MYBBP1A: variants seen among roughly 807,000 people sequenced by gnomAD.
The protein encoded by MYBBP1A is myb-binding protein 1A.
In MYBBP1A, 147 loss-of-function variants were observed where a neutral mutation model predicts 136.3. The ratio of observed to expected loss-of-function variants is 1.08; its 90% CI spans 0.94 to 1.24. MYBBP1A has a LOEUF of 1.24. MYBBP1A is among the 50% of genes most tolerant of loss of function. The pLI, the probability that MYBBP1A is intolerant of heterozygous loss-of-function variation, is 0.00. For synonymous variants in MYBBP1A, 947 were observed against 735.8 expected (o/e 1.29, Z -4.65); for missense variants, 2,060 against 1,727.4 (o/e 1.19, Z -3.41).
intron 19 of MYBBP1A, chr17:4,543,399 A>G: frequency 1.8e-6 from 1 of 556,600 alleles, no homozygotes. Flanking sequence ...CAGCTCCCTG[A>G]GTGGAGGCTG....
intron 15 of MYBBP1A, 22 bp from the exon 16 acceptor site, chr17:4,545,367 T>G (rs779812783): frequency 6.2e-7 from 1 of 1,612,254 alleles, no homozygotes; most frequent in Non-Finnish European, 8.5e-7. Flanking sequence ...TGCCAGCCAC[T>G]GACCCATTTG....
chr17:4,546,912 C>CAT (rs1491216403), intron 13 of MYBBP1A, among the ~76,000 whole-genome samples: 1 of 136,764 alleles, frequency 7.3e-6, no homozygotes, highest in Non-Finnish European at 1.6e-5. Flanking sequence ...TGGGCTGCAC[C>CAT]TTTTTTTTTT....
In MYBBP1A at chr17:4,548,194, T is replaced by C. The variant is rs1001213326; in HGVS notation, c.1673A>G (p.Asn558Ser). 2 of 1,606,738 alleles carry C rather than the reference T, an allele frequency of 1.2e-6. No individual in the cohort carries two copies. The highest frequency in any genetic ancestry group is 1.3e-5 in the African/African-American group (1 of 74,778). ...FADLLLNHSH[N>S]VTTVTPFTAQ... ...AGTGAAGGGTGTCACGGTGGTCACGTTGTGGCTGTGATTCAACAGGAGGTC... is the reference window on the plus strand; with the variant it reads ...AGTGAAGGGTGTCACGGTGGTCACGCTGTGGCTGTGATTCAACAGGAGGTC... The change falls in exon 12 of 26, where the codon AAC becomes AGC. Residue 558 changes from asparagine to serine, a missense_variant. Physicochemically the swap from Asn to Ser is conservative, Grantham distance 46 (BLOSUM62 1). Coordinates refer to ENST00000254718, the MANE Select transcript of MYBBP1A (RefSeq NM_014520.4). The surrounding 1 kb of genome is among the most constrained non-coding windows in gnomAD (Gnocchi z 4.2).
intron 19 of MYBBP1A, 136 bp from the exon 20 acceptor site, chr17:4,543,301 G>GGAGGGCC (rs1393040410): frequency 8.0e-7 from 1 of 1,251,418 alleles, no homozygotes; most frequent in Non-Finnish European, 1.1e-6. Flanking sequence ...AGGCCACAGA[G>GGAGGGCC]GAGGGCCCAG....
Position 4,545,637 on chromosome 17 carries a change from G to A in MYBBP1A, c.2046C>T (p.Thr682=), listed in dbSNP as rs770304648. The part of the protein sequence containing the change: ...SVFGHICSHL[T]PRALQLILDV... ...CCAGAATTAGCTGCAGGGCACGCGG[G>A]GTCAGGTGGGAGCAGATGTGGCCAA... The change falls in exon 15 of 26, where the codon ACC becomes ACT. Residue 682 remains threonine (T), a synonymous_variant. Transcript: ENST00000254718. 6.2e-7 allele frequency: 1 copy of A among 1,602,898 alleles called. No individual in the cohort carries two copies. Among genetic ancestry groups the A allele is most frequent in the South Asian group, 1.1e-5 (1 of 90,476 alleles).
chr17:4,552,396 G>A lies in MYBBP1A; in HGVS notation c.737+55C>T. ...AGGCCAAACGACAAATCTGGGCCTG[G>A]CCAGATGCAGTCCCTTGGCCCCAGG... On this transcript the variant is annotated intron_variant, in intron 6 of 25. Transcript: ENST00000254718. This position sits in a 1 kb window ranked among gnomAD's most constrained non-coding sequence, Gnocchi z 4.7. 5 of 1,604,392 alleles carry A rather than the reference G, an allele frequency of 3.1e-6. No individual in the cohort carries two copies. The highest frequency in any genetic ancestry group is 4.3e-6 in the Non-Finnish European group (5 of 1,175,880).
rs747803436 is a variant in MYBBP1A, at chr17:4,539,814, T to TGTGCCATCCTCCGCTGGC, written c.3570_3587dup (p.Glu1193_Ala1198dup). On this transcript the variant is annotated inframe_insertion, in exon 26 of 26. Transcript: ENST00000254718. ...GCTGGCTCCCGCCGGTGGCTGCAGGTGTGCCATCCTCCGCTGGCGTGCCAT... is the reference window on the plus strand; with the variant it reads ...GCTGGCTCCCGCCGGTGGCTGCAGGTGTGCCATCCTCCGCTGGCGTGCCATCCTCCGCTGGCGTGCCAT... The TGTGCCATCCTCCGCTGGC allele has an allele frequency of 3.2e-5, 52 of 1,611,440 alleles. No individual in the cohort carries two copies. In the East Asian group the frequency reaches 3.3e-4, roughly 10 times the overall value.
Position 4,544,497 on chromosome 17 carries a change from G to A in MYBBP1A, c.2631C>T (p.Arg877=), listed in dbSNP as rs770039256. 1.3e-5 allele frequency: 20 copies of A among 1,549,826 alleles called. No individual in the cohort carries two copies. In the South Asian group the frequency reaches 1.4e-4, roughly 11 times the overall value. The change falls in exon 19 of 26, where the codon CGC becomes CGT. Residue 877 remains arginine, a synonymous_variant. Coordinates refer to ENST00000254718, the MANE Select transcript of MYBBP1A (RefSeq NM_014520.4). The stretch of plus-strand genomic sequence containing the variant: ...TGCACCCCCGTGCTCACGTGAAGAT[G>A]CGCGCCGTCTTGTGCAGAAGGTCCT... ...QEQDLLHKTA[R]IFTHHLCRAR... is the part of the protein sequence containing the mutation.
chr17:4,549,960 G>A (rs1907355862), intron 9 of MYBBP1A, 98 bp downstream of exon 9: 3 of 1,359,158 alleles, frequency 2.2e-6, no homozygotes, highest in Non-Finnish European at 3.0e-6. Context: ...TCATGGTTTA[G>A]AGCCAGGACG....
Position 4,548,228 on chromosome 17 carries a change from G to T in MYBBP1A, c.1639C>A (p.Gln547Lys). 6.2e-7 allele frequency: 1 copy of T among 1,610,948 alleles called. No individual in the cohort carries two copies. ...GGQPWTYHLV[Q>K]FADLLLNHSH... ...TGATTCAACAGGAGGTCTGCGAACT[G>T]CACCAGGTGGTAGGTCCAGGGCTGC... Residue 547 changes from glutamine to lysine, a missense_variant, in exon 12 of 26, where the codon CAG (glutamine) becomes AAG (lysine). Transcript: ENST00000254718. This position sits in a 1 kb window ranked among gnomAD's most constrained non-coding sequence, Gnocchi z 4.2.
At chr17:4,546,343 T>A (rs1008004117) in intron 13 of MYBBP1A, among the ~76,000 whole-genome samples, 38 of 152,190 alleles carry the variant, frequency 2.5e-4, no homozygotes, top group African/African-American at 9.2e-4. Flanking sequence ...GGTCTTGAAC[T>A]CCTGACCTCG....
intron 25 of MYBBP1A, 103 bp from the exon 26 acceptor site, chr17:4,540,070 C>G (rs1284771336): frequency 1.3e-5 from 18 of 1,392,170 alleles, no homozygotes; most frequent in Non-Finnish European, 1.7e-5. Context: ...TCTGAGGCCC[C>G]TAGGTTCTGT....
At chr17:4,541,358 A>AC (rs1273786977) in intron 24 of MYBBP1A, 105 bp downstream of exon 24, 2 of 998,218 alleles carry the variant, frequency 2.0e-6, no homozygotes, top group Non-Finnish European at 3.1e-6. Context: ...TCCCCACATG[A>AC]CCCCCATCCC....
rs1907200791 is a variant in MYBBP1A at position 4,548,461 on chromosome 17, AG to A, written c.1556+62del. On this transcript the variant is annotated intron_variant, in intron 11 of 25. Transcript: ENST00000254718. This position sits in a 1 kb window ranked among gnomAD's most constrained non-coding sequence, Gnocchi z 4.2. ...GTTGTTCCCAGCTTAGGGGACCTGG[AG>A]GGAGCAGGCGCCCTCAAGGCCTTCC... 1.2e-6 allele frequency: 2 copies of A among 1,611,778 alleles called. No homozygotes were observed. Among genetic ancestry groups the A allele is most frequent in the Admixed American group, 1.7e-5 (1 of 60,008 alleles).
At position 4,554,929 on chromosome 17, in the gene MYBBP1A, G is replaced by A. The variant is rs1389887378; in HGVS notation, c.226C>T (p.Arg76Cys). The A allele has an allele frequency of 1.2e-6, 2 of 1,613,522 alleles. No individual in the cohort carries two copies. Among genetic ancestry groups the A allele is most frequent in the Admixed American group, 1.7e-5 (1 of 60,024 alleles). The change falls in exon 2 of 26, where the codon CGT (arginine) becomes TGT (cysteine). Residue 76 changes from arginine to cysteine, a missense_variant. Transcript: ENST00000254718. ...CCGACCCCGAGTCCCGTGATTAGAC[G>A]CTTCAGGGCATATTTCATCTCGGAC... is the stretch of plus-strand genomic sequence containing the variant. ...KGSEMKYALK[R>C]LITGLGVGRE...
At chr17:4,547,893 C>G in intron 13 of MYBBP1A, 65 bp downstream of exon 13, 1 of 1,330,972 alleles carries the variant, frequency 7.5e-7, no homozygotes, top group Non-Finnish European at 1.0e-6. Flanking sequence ...AAAAGCCTCT[C>G]GGTAGGGGGC....
chr17:4,544,913 CT>C lies in MYBBP1A; in HGVS notation c.2318del (p.Glu773GlyfsTer14). 1 of 1,599,756 alleles carries C rather than the reference CT, an allele frequency of 6.3e-7. No individual in the cohort carries two copies. The highest frequency in any genetic ancestry group is 8.5e-7 in the Non-Finnish European group (1 of 1,171,942). On this transcript the variant is annotated frameshift_variant, in exon 18 of 26. Coordinates refer to ENST00000254718, the MANE Select transcript of MYBBP1A (RefSeq NM_014520.4). LOFTEE classifies it high-confidence loss of function. Reference protein sequence around the residue: ...VLQAGKALGGEDSENEEELGD... With the variant: ...VLQAGKALGGXDSENEEELGD... ...CCAGCTCCTCCTCGTTCTCACTGTC[CT>C]CTCCACCCTGAGGGACAGAGGCCCA...
At position 4,545,192 on chromosome 17, in the gene MYBBP1A, G is replaced by A. The variant is rs769341202; in HGVS notation, c.2161-17C>T. 6 of 1,613,234 alleles carry A rather than the reference G, an allele frequency of 3.7e-6. No individual in the cohort carries two copies. The South Asian group carries it at 6.6e-5, about 18-fold the overall frequency. ...GCTCTTGTCCTGTGTGGTAGAGGCA[G>A]GCGCGTCACACACCTCCCCGATCGT... is the stretch of plus-strand genomic sequence containing the variant. On this transcript the variant is annotated splice_polypyrimidine_tract_variant and intron_variant, in intron 16 of 25. Coordinates refer to ENST00000254718, the MANE Select transcript of MYBBP1A (RefSeq NM_014520.4).
chr17:4,542,041 T>C, intron 22 of MYBBP1A, 150 bp from the exon 23 acceptor site: 1 of 625,414 alleles, frequency 1.6e-6, no homozygotes, highest in Non-Finnish European at 2.8e-6. Flanking sequence ...TACCTGCTCC[T>C]GTGCCTTTGT....
Sources: gnomAD v4.1 joint callset for allele counts (sites outside exome capture counted in the v4.1 genomes callset) on GRCh38, gnomAD v4.1.1 for gene constraint, Gnocchi (gnomAD v3.1) non-coding constraint, MANE v1.5 for transcripts, NCBI Gene and HGNC (gene_info 2026-07-23, HGNC 2026-07-21) for gene names.